Variants in LIMS2 observed in about 807,000 individuals in gnomAD.
LIMS2 encodes the protein LIM zinc finger domain containing 2, also known as LIM and senescent cell antigen-like-containing domain protein 2.
In LIMS2, 30 loss-of-function variants were observed where a neutral mutation model predicts 45.3. The observed-to-expected ratio is 0.66, with a 90% CI of 0.50 to 0.90. The LOEUF (loss-of-function observed/expected upper bound fraction) is 0.90, where lower values mean the gene tolerates loss of function less well. Ranked by LOEUF, LIMS2 falls within the 40% of genes least tolerant of loss-of-function variation. LIMS2 has a pLI of 0.00. For synonymous variants in LIMS2, 173 were observed against 188.0 expected (o/e 0.92, Z 0.65); for missense variants, 485 against 468.7 (o/e 1.03, Z -0.32).
At chr2:127,680,705 G>GT (rs1231724626) in intron 1 of LIMS2, among the ~76,000 whole-genome samples, 1 of 152,210 alleles carries the variant, frequency 6.6e-6, no homozygotes, top group African/African-American at 2.4e-5. Context: ...TTACTCAGGA[G>GT]TAGAGGTGGA....
At chr2:127,660,763 A>C (rs1342038226) in intron 1 of LIMS2, among the ~76,000 whole-genome samples, 2 of 152,238 alleles carry the variant, frequency 1.3e-5, no homozygotes, top group African/African-American at 2.4e-5. Context: ...GGTCAACCTG[A>C]CAGCAGCCTG....
chr2:127,678,693 G>A (rs1685552450), upstream of LIMS2, among the ~76,000 whole-genome samples: 1 of 152,186 alleles, frequency 6.6e-6, no homozygotes, highest in Non-Finnish European at 1.5e-5. This position sits in a 1 kb window ranked among gnomAD's most constrained non-coding sequence, Gnocchi z 5.3. Flanking sequence ...TGTGTGTGTG[G>A]CAGGTGTGAA....
chr2:127,649,024 A>G (rs1470648185), intron 4 of LIMS2, among the ~76,000 whole-genome samples: 1 of 86,566 alleles, frequency 1.2e-5, no homozygotes, highest in African/African-American at 4.1e-5. Flanking sequence ...GGGAGGGAGG[A>G]AAGAAAGAAA....
rs1440466577 is a variant in LIMS2 at position 127,653,392 on chromosome 2, G to T, written c.359+1032C>A. Among the ~76,000 whole-genome samples, 1 of 152,206 alleles carries T rather than the reference G, an allele frequency of 6.6e-6. No homozygotes were observed. The highest frequency in any genetic ancestry group is 6.5e-5 in the Admixed American group (1 of 15,292). The stretch of plus-strand genomic sequence containing the variant: ...AAACTGCTTGTGCCTCATTGCGTTT[G>T]GGATGCCTGGTGGACACCAAGTGGA... On this transcript the variant is annotated intron_variant, in intron 4 of 9. Transcript: ENST00000355119. This position sits in a 1 kb window ranked among gnomAD's most constrained non-coding sequence, Gnocchi z 5.3.
intron 3 of LIMS2, 26 bp from the exon 4 acceptor site, chr2:127,654,570 C>G (rs775670516): frequency 6.2e-7 from 1 of 1,613,960 alleles, no homozygotes; most frequent in South Asian, 1.1e-5. Context: ...TCCCTGCTGG[C>G]TGGGGAGCAC....
intron 4 of LIMS2, chr2:127,651,764 C>T (rs34415489): frequency 1.2e-5 from 19 of 1,608,204 alleles, no homozygotes; most frequent in African/African-American, 8.0e-5. Context: ...GAGCGGGGGG[C>T]GCCGTCCAGG....
At chr2:127,670,506 T>G (rs1170155409) in intron 1 of LIMS2, among the ~76,000 whole-genome samples, 1 of 152,148 alleles carries the variant, frequency 6.6e-6, no homozygotes, top group African/African-American at 2.4e-5. Context: ...TGCAAATGAG[T>G]ACAAGGTTTC....
intron 1 of LIMS2, among the ~76,000 whole-genome samples, chr2:127,657,941 G>C (rs1049155572): frequency 6.6e-6 from 1 of 152,232 alleles, no homozygotes; most frequent in African/African-American, 2.4e-5. Flanking sequence ...CAAAGAGGTT[G>C]AGTAACTTGC....
At chr2:127,643,698 A>G (rs1256072012) in intron 4 of LIMS2, 2 of 426,640 alleles carry the variant, frequency 4.7e-6, no homozygotes, top group African/African-American at 4.1e-5. Flanking sequence ...CGGAGAGACA[A>G]ATCAACATGG....
chr2:127,648,154 G>C (rs953849501), intron 4 of LIMS2: 1 of 985,364 alleles, frequency 1.0e-6, no homozygotes, highest in African/African-American at 1.7e-5. Context: ...GATTCCTGGG[G>C]AATGGGGTCC....
chr2:127,659,517 A>T (rs1684477176), intron 1 of LIMS2, among the ~76,000 whole-genome samples: 1 of 152,212 alleles, frequency 6.6e-6, no homozygotes. Context: ...TCACTAGGAC[A>T]GGCTTGGTTT....
chr2:127,655,005 A>C, intron 2 of LIMS2, 109 bp from the exon 3 acceptor site: 1 of 1,019,328 alleles, frequency 9.8e-7, no homozygotes, highest in Non-Finnish European at 1.5e-6. Context: ...GCACTGAGGC[A>C]GGGGCATGCC....
Position 127,664,573 on chromosome 2 carries a change from T to G in LIMS2, c.12-7011A>C, listed in dbSNP as rs1573838177. On this transcript the variant is annotated intron_variant, in intron 1 of 9. Transcript: ENST00000355119. This position sits in a 1 kb window ranked among gnomAD's most constrained non-coding sequence, Gnocchi z 5.5. ...CTGGGATCTCCAAAGGGCAGCAGAG[T>G]CAACTCCAAATAGAAAGGATATTGT... 1 of 1,145,698 alleles carries G rather than the reference T, an allele frequency of 8.7e-7. No individual in the cohort carries two copies. Among genetic ancestry groups the G allele is most frequent in the Admixed American group, 4.8e-5 (1 of 20,954 alleles). The allele number at this position is 1,145,698 out of a possible 1,614,324, so 71.0% of individuals were successfully genotyped here.
intron 6 of LIMS2, 122 bp downstream of exon 6, chr2:127,641,927 C>T (rs918030417): frequency 2.5e-6 from 3 of 1,187,662 alleles, no homozygotes; most frequent in Middle Eastern, 2.3e-4. Context: ...TGAGGAAGGG[C>T]CTCGTTGGGA....
In LIMS2 at chr2:127,653,997, G is replaced by A; in HGVS notation, c.359+427C>T. The stretch of plus-strand genomic sequence containing the variant: ...CACCTGCTATAGGGACAGTGCTTGG[G>A]AAGGGAGGATGAGAGACCAAGGGTT... On this transcript the variant is annotated intron_variant, in intron 4 of 9. Coordinates refer to ENST00000355119, the MANE Select transcript of LIMS2 (RefSeq NM_001161403.3). The surrounding 1 kb of genome is among the most constrained non-coding windows in gnomAD (Gnocchi z 5.3). Among the ~76,000 whole-genome samples the A allele has an allele frequency of 6.6e-6, 1 of 152,064 alleles. No individual in the cohort carries two copies. Among genetic ancestry groups the A allele is most frequent in the Admixed American group, 6.5e-5 (1 of 15,272 alleles).
At chr2:127,643,356 A>ATGCTC in intron 4 of LIMS2, 1 of 518,896 alleles carries the variant, frequency 1.9e-6, no homozygotes. Flanking sequence ...AGCCTGGGGC[A>ATGCTC]TGCTGCAGAA....
At position 127,664,001 on chromosome 2, in the gene LIMS2, C is replaced by T. The variant is rs552161788; in HGVS notation, c.12-6439G>A. 1.3e-5 allele frequency among the ~76,000 whole-genome samples: 2 copies of T among 152,324 alleles called. No individual in the cohort carries two copies. Among genetic ancestry groups the T allele is most frequent in the African/African-American group, 4.8e-5 (2 of 41,574 alleles). ...GTCTGCTCTGCTCAGAACCTGTCTG[C>T]TCATCTATAAAGTGCAGCATGATCA... On this transcript the variant is annotated intron_variant, in intron 1 of 9. Coordinates refer to ENST00000355119, the MANE Select transcript of LIMS2 (RefSeq NM_001161403.3). The surrounding 1 kb of genome is among the most constrained non-coding windows in gnomAD (Gnocchi z 5.5).
Position 127,640,952 on chromosome 2 carries a change from C to G in LIMS2, c.697G>C (p.Gly233Arg). The change falls in exon 7 of 10, where the codon GGG becomes CGG. Residue 233 changes from glycine (G) to arginine (R), a missense_variant. Coordinates refer to ENST00000355119, the MANE Select transcript of LIMS2 (RefSeq NM_001161403.3). ...VCAKCEKPFL[G>R]HRHYEKKGLA... ...CCCTTCTTCTCATAGTGCCGGTGCC[C>G]CAGGAATGGCTTCTCACACTTGGCA... The G allele has an allele frequency of 6.2e-7, 1 of 1,613,930 alleles. No individual in the cohort carries two copies. Among genetic ancestry groups the G allele is most frequent in the Non-Finnish European group, 8.5e-7 (1 of 1,179,920 alleles).
chr2:127,651,834 G>A (rs1316207098), intron 4 of LIMS2: 7 of 1,367,760 alleles, frequency 5.1e-6, no homozygotes, highest in Non-Finnish European at 1.0e-6. Flanking sequence ...CCTTTCCCCA[G>A]CCACCTCCCC....
Sources: gnomAD v4.1 joint callset for allele counts (sites outside exome capture counted in the v4.1 genomes callset) on GRCh38, gnomAD v4.1.1 for gene constraint, Gnocchi (gnomAD v3.1) non-coding constraint, MANE v1.5 for transcripts, NCBI Gene and HGNC (gene_info 2026-07-23, HGNC 2026-07-21) for gene names.